CDH10: variants seen among roughly 807,000 people sequenced by gnomAD.
CDH10 encodes the protein cadherin 10.
In CDH10, 30 loss-of-function variants were observed where a neutral mutation model predicts 73.1. That is an observed-to-expected ratio of 0.41 (90% CI 0.31 to 0.56). The LOEUF (loss-of-function observed/expected upper bound fraction) is 0.56, where lower values mean the gene tolerates loss of function less well. Among genes scored for constraint, CDH10 ranks in the 20% least tolerant of loss-of-function variants. The probability of loss-of-function intolerance (pLI) is 0.27; values close to 1 mark genes in which losing one functional copy is unlikely to be tolerated. For synonymous variants in CDH10, 345 were observed against 348.2 expected, an observed-to-expected ratio of 0.99 and a Z score of 0.10; for missense variants, 815 against 973.7, an observed-to-expected ratio of 0.84 and a Z score of 2.17.
At chr5:24,524,864 T>G (rs988454331) in intron 5 of CDH10, among the ~76,000 whole-genome samples, 2 of 152,120 alleles carry the variant, frequency 1.3e-5, no homozygotes, top group Non-Finnish European at 2.9e-5. Context: ...TCACACAACA[T>G]CTGCACTGGC....
intron 1 of CDH10, among the ~76,000 whole-genome samples, chr5:24,622,797 C>T (rs1383229788): frequency 6.6e-6 from 1 of 151,924 alleles, no homozygotes; most frequent in East Asian, 1.9e-4. Context: ...GGGAAACAAC[C>T]CTCTAATGTC....
At chr5:24,554,862 T>C (rs1744711275) in intron 2 of CDH10, among the ~76,000 whole-genome samples, 1 of 152,066 alleles carries the variant, frequency 6.6e-6, no homozygotes, top group Non-Finnish European at 1.5e-5. Context: ...AACATTATTG[T>C]CCAACATTAT....
At chr5:24,563,935 G>A (rs929441717) in intron 2 of CDH10, among the ~76,000 whole-genome samples, 1 of 151,714 alleles carries the variant, frequency 6.6e-6, no homozygotes, top group Non-Finnish European at 1.5e-5. Context: ...TTATTTTTAT[G>A]TTCAAATCAT....
intron 1 of CDH10, among the ~76,000 whole-genome samples, chr5:24,615,021 C>T (rs144316991): frequency 6.5e-4 from 99 of 152,216 alleles, no homozygotes; most frequent in African/African-American, 2.1e-3. Flanking sequence ...AGTGTGGCCA[C>T]CTCCCCAACA....
chr5:24,495,243 C>G (rs1742224898), intron 9 of CDH10, among the ~76,000 whole-genome samples: 1 of 152,030 alleles, frequency 6.6e-6, no homozygotes, highest in South Asian at 2.1e-4. Context: ...AATTAGGAAA[C>G]AAACAAACAA....
intron 2 of CDH10, among the ~76,000 whole-genome samples, chr5:24,572,696 A>G (rs1745431583): frequency 6.6e-6 from 1 of 152,070 alleles, no homozygotes; most frequent in South Asian, 2.1e-4. Context: ...GTATGAGACT[A>G]AAAGAGGAGA....
At chr5:24,568,594 C>T (rs1439835238) in intron 2 of CDH10, among the ~76,000 whole-genome samples, 4 of 152,074 alleles carry the variant, frequency 2.6e-5, no homozygotes, top group African/African-American at 9.7e-5. Flanking sequence ...TGATACTTCA[C>T]ATAGGTAATT....
chr5:24,559,603 G>C (rs984420606), intron 2 of CDH10, among the ~76,000 whole-genome samples: 2 of 151,910 alleles, frequency 1.3e-5, no homozygotes, highest in Non-Finnish European at 1.5e-5. Flanking sequence ...AGAAAAATAG[G>C]TTTGTTCTGA....
intron 2 of CDH10, among the ~76,000 whole-genome samples, chr5:24,584,949 T>A (rs7719769): frequency 6.7e-6 from 1 of 150,090 alleles, no homozygotes; most frequent in African/African-American, 2.5e-5. Flanking sequence ...GAGGCTCAGG[T>A]GATCTTTTCA....
chr5:24,515,030 T>C (rs1743058398), intron 5 of CDH10, among the ~76,000 whole-genome samples: 1 of 152,120 alleles, frequency 6.6e-6, no homozygotes, highest in Admixed American at 6.6e-5. Context: ...ATTCTGACCA[T>C]GCCACAATTA....
At chr5:24,600,096 A>G (rs1579459203) in intron 1 of CDH10, among the ~76,000 whole-genome samples, 1 of 152,276 alleles carries the variant, frequency 6.6e-6, no homozygotes. Context: ...TTGTACTTAC[A>G]TTGTAGTTTT....
At chr5:24,614,788 A>C (rs1747075162) in intron 1 of CDH10, among the ~76,000 whole-genome samples, 1 of 152,188 alleles carries the variant, frequency 6.6e-6, no homozygotes, top group Non-Finnish European at 1.5e-5. Context: ...GGCATAGTAC[A>C]AGACTCATGT....
chr5:24,527,245 A>G (rs1220522484), intron 5 of CDH10, among the ~76,000 whole-genome samples: 1 of 148,236 alleles, frequency 6.7e-6, no homozygotes, highest in Non-Finnish European at 1.5e-5. Context: ...ATACTTACAT[A>G]ATTAAATACA....
chr5:24,564,328 A>G (rs1242195289), intron 2 of CDH10, among the ~76,000 whole-genome samples: 1 of 152,226 alleles, frequency 6.6e-6, no homozygotes, highest in Non-Finnish European at 1.5e-5. Flanking sequence ...AAAGTAGAGA[A>G]TACTAATTGG....
chr5:24,502,874 TA>T (rs1157118906), intron 8 of CDH10, among the ~76,000 whole-genome samples: 1 of 152,118 alleles, frequency 6.6e-6, no homozygotes, highest in Non-Finnish European at 1.5e-5. Flanking sequence ...AAGCTTTCCT[TA>T]GAAGAAAAAC....
In CDH10 at chr5:24,549,292, A is replaced by G. The variant is rs537900204; in HGVS notation, c.232-11618T>C. Among the ~76,000 whole-genome samples, 3 of 152,316 alleles carry G rather than the reference A, an allele frequency of 2.0e-5. No individual in the cohort carries two copies. The South Asian group carries it at 6.2e-4, about 32-fold the overall frequency. ...AAGAACGAAGTAGAAGTTGTATTCCAAGAGGAAATAGGTAAGAAATTTTTA... is the reference window on the plus strand; with the variant it reads ...AAGAACGAAGTAGAAGTTGTATTCCGAGAGGAAATAGGTAAGAAATTTTTA... On this transcript the variant is annotated intron_variant, in intron 2 of 11. Transcript: ENST00000264463.
At chr5:24,537,246 G>GA (rs1413615617) in intron 3 of CDH10, 134 bp downstream of exon 3, 37 of 592,016 alleles carry the variant, frequency 6.2e-5, no homozygotes, top group Non-Finnish European at 9.0e-5. Flanking sequence ...TCTCCTAAAA[G>GA]AAAAAATAAA....
At chr5:24,556,498 A>C (rs1744773557) in intron 2 of CDH10, among the ~76,000 whole-genome samples, 1 of 151,866 alleles carries the variant, frequency 6.6e-6, no homozygotes, top group African/African-American at 2.4e-5. Context: ...AATTCCAAAA[A>C]TATTTTAAAC....
chr5:24,572,474 A>G (rs1188552564), intron 2 of CDH10, among the ~76,000 whole-genome samples: 2 of 152,064 alleles, frequency 1.3e-5, no homozygotes, highest in South Asian at 2.1e-4. Flanking sequence ...GGACCTGAGG[A>G]TCTTAAAAAA....
Sources: gnomAD v4.1 joint callset for allele counts (sites outside exome capture counted in the v4.1 genomes callset) on GRCh38, gnomAD v4.1.1 for gene constraint, MANE v1.5 for transcripts, NCBI Gene and HGNC (gene_info 2026-07-23, HGNC 2026-07-21) for gene names.